Variants in CABIN1 observed in about 807,000 individuals in gnomAD.
CABIN1 encodes the protein calcineurin-binding protein cabin-1.
CABIN1 carries 133 observed loss-of-function variants against 227.7 expected under a neutral mutation model. The ratio of observed to expected loss-of-function variants is 0.58; its 90% CI spans 0.51 to 0.67. CABIN1 has a LOEUF of 0.67. CABIN1 is among the 30% of genes least tolerant of loss of function. The probability of loss-of-function intolerance (pLI) is 0.00; values close to 1 mark genes in which losing one functional copy is unlikely to be tolerated. For missense variants in CABIN1, 2,408 were observed against 2,852.5 expected, an observed-to-expected ratio of 0.84 and a Z score of 3.55; for synonymous variants, 1,086 against 1,155.1, an observed-to-expected ratio of 0.94 and a Z score of 1.21.
At chr22:24,159,319 G>A (rs1350658030) in intron 29 of CABIN1, among the ~76,000 whole-genome samples, 1 of 152,268 alleles carries the variant, frequency 6.6e-6, no homozygotes, top group African/African-American at 2.4e-5. Flanking sequence ...GAAGCTGGGG[G>A]CAACCCTGCA....
At chr22:24,015,309 G>C (rs1418160773) in intron 1 of CABIN1, among the ~76,000 whole-genome samples, 2 of 132,338 alleles carry the variant, frequency 1.5e-5, no homozygotes, top group African/African-American at 5.5e-5. Context: ...AGTGTGTCTT[G>C]AAAATCACCC....
At chr22:24,132,309 T>C (rs937479031) in intron 28 of CABIN1, among the ~76,000 whole-genome samples, 1 of 152,184 alleles carries the variant, frequency 6.6e-6, no homozygotes, top group Non-Finnish European at 1.5e-5. Context: ...TGAGCTAATC[T>C]TTGGTTTTAT....
intron 32 of CABIN1, 72 bp from the exon 33 acceptor site, chr22:24,168,375 T>C (rs2046581803): frequency 7.0e-7 from 1 of 1,433,590 alleles, no homozygotes; most frequent in African/African-American, 1.4e-5. Context: ...CTGTGCTACA[T>C]ACACAGACAG....
chr22:24,152,789 A>C (rs908282182), intron 29 of CABIN1, among the ~76,000 whole-genome samples: 14 of 152,142 alleles, frequency 9.2e-5, no homozygotes, highest in Non-Finnish European at 1.6e-4. Flanking sequence ...ATCTCTACTA[A>C]AAATATAAAA....
At chr22:24,135,639 C>T (rs573648175) in intron 29 of CABIN1, among the ~76,000 whole-genome samples, 17 of 152,328 alleles carry the variant, frequency 1.1e-4, no homozygotes, top group Non-Finnish European at 1.9e-4. Context: ...ACCTATCCAC[C>T]GCCCCTCCCA....
At chr22:24,127,218 C>T (rs1359854445) in intron 28 of CABIN1, among the ~76,000 whole-genome samples, 2 of 152,090 alleles carry the variant, frequency 1.3e-5, no homozygotes, top group Admixed American at 1.3e-4. Context: ...TACACAGGCC[C>T]AGGCAGAGAG....
At chr22:24,084,444 G>A in intron 20 of CABIN1, 135 bp from the exon 21 acceptor site, 1 of 804,106 alleles carries the variant, frequency 1.2e-6, no homozygotes, top group South Asian at 1.4e-5. Context: ...AGTATAATGG[G>A]GATTTGTTTT....
At chr22:24,015,570 T>G (rs1201905752) in intron 1 of CABIN1, among the ~76,000 whole-genome samples, 1 of 151,626 alleles carries the variant, frequency 6.6e-6, no homozygotes, top group African/African-American at 2.4e-5. Context: ...GGTCTCGATC[T>G]TCTGACCTTG....
At chr22:24,143,606 C>G (rs148638611) in intron 29 of CABIN1, among the ~76,000 whole-genome samples, 1 of 152,280 alleles carries the variant, frequency 6.6e-6, no homozygotes, top group African/African-American at 2.4e-5. Context: ...GCAGCTGGGC[C>G]TGGCTGTGCC....
intron 2 of CABIN1, 41 bp downstream of exon 2, chr22:24,035,561 C>G: frequency 6.2e-7 from 1 of 1,613,372 alleles, no homozygotes; most frequent in East Asian, 2.2e-5. Flanking sequence ...CCTCAGTGTT[C>G]TTTTGTTACG....
intron 29 of CABIN1, among the ~76,000 whole-genome samples, chr22:24,142,012 CCAA>C (rs1438403967): frequency 6.6e-6 from 1 of 152,132 alleles, no homozygotes; most frequent in African/African-American, 2.4e-5. Context: ...GAGAAAGTCT[CCAA>C]AGCCCAGGGT....
Position 24,164,549 on chromosome 22 carries a change from C to G in CABIN1, c.4896C>G (p.Thr1632=), listed in dbSNP as rs143095272. ...LLKVSSMLQR[T]PDQGKKYLRD... ...AGGTGTCCTCCATGCTTCAGCGGAC[C>G]CCAGACCAGGGCAAGTGAGTGCAGC... is the stretch of plus-strand genomic sequence containing the variant. The change falls in exon 30 of 37, where the codon ACC becomes ACG. Residue 1632 remains threonine (T), a synonymous_variant. Transcript: ENST00000263119. 2 of 1,604,676 alleles carry G rather than the reference C, an allele frequency of 1.2e-6. No individual in the cohort carries two copies. The highest frequency in any genetic ancestry group is 2.7e-5 in the African/African-American group (2 of 75,016).
At chr22:24,076,114 C>T (rs1271580708) in intron 18 of CABIN1, 55 bp from the exon 19 acceptor site, 6 of 1,317,898 alleles carry the variant, frequency 4.6e-6, no homozygotes, top group Non-Finnish European at 6.6e-6. Context: ...GCAGCCCCTG[C>T]AGGCACGCAG....
In CABIN1 at chr22:24,035,465, C is replaced by A; in HGVS notation, c.-53C>A. The A allele has an allele frequency of 6.2e-7, 1 of 1,613,404 alleles. No individual in the cohort carries two copies. Among genetic ancestry groups the A allele is most frequent in the Non-Finnish European group, 8.5e-7 (1 of 1,179,360 alleles). On this transcript the variant is annotated 5_prime_UTR_variant, in exon 2 of 37. Transcript: ENST00000263119. ...CTAGGAGAGTTGTGGACTGGGGCAACCTTTGCCAGTGATGAGAAGTGATGC... is the reference window on the plus strand; with the variant it reads ...CTAGGAGAGTTGTGGACTGGGGCAAACTTTGCCAGTGATGAGAAGTGATGC...
chr22:24,139,061 G>T (rs2044586245), intron 29 of CABIN1, among the ~76,000 whole-genome samples: 1 of 152,152 alleles, frequency 6.6e-6, no homozygotes, highest in African/African-American at 2.4e-5. Context: ...AACCATGGAT[G>T]AACAAACATA....
At chr22:24,096,685 G>A (rs916172127) in intron 25 of CABIN1, among the ~76,000 whole-genome samples, 1 of 152,220 alleles carries the variant, frequency 6.6e-6, no homozygotes, top group Non-Finnish European at 1.5e-5. Context: ...CAAGTCCTAG[G>A]GAGAAAGATG....
At chr22:24,155,963 G>T in intron 29 of CABIN1, 1 of 525,160 alleles carries the variant, frequency 1.9e-6, no homozygotes, top group Non-Finnish European at 3.3e-6. Context: ...GCCCCGTCCG[G>T]CCGCGCCTGC....
At chr22:24,070,689 C>T in intron 16 of CABIN1, 111 bp from the exon 17 acceptor site, 6 of 1,519,178 alleles carry the variant, frequency 3.9e-6, no homozygotes, top group Non-Finnish European at 5.5e-6. Context: ...GCTCGTTCTT[C>T]CCTTTCTTTT....
At position 24,055,169 on chromosome 22, in the gene CABIN1, C is replaced by A. The variant is rs1425958385; in HGVS notation, c.1093+10C>A. 1.9e-6 allele frequency: 3 copies of A among 1,608,128 alleles called. No individual in the cohort carries two copies. The highest frequency in any genetic ancestry group is 1.3e-5 in the African/African-American group (1 of 74,952). ...ACAGGCGCTCCTGTGGGTAAGCAGG[C>A]CCCCTGAATTTGGCTTCCGGGGAGA... On this transcript the variant is annotated intron_variant, in intron 9 of 36. Transcript: ENST00000263119.
Sources: gnomAD v4.1 joint callset for allele counts (sites outside exome capture counted in the v4.1 genomes callset) on GRCh38, gnomAD v4.1.1 for gene constraint, MANE v1.5 for transcripts, NCBI Gene and HGNC (gene_info 2026-07-23, HGNC 2026-07-21) for gene names.